PLEKHG2: variants seen among roughly 807,000 people sequenced by gnomAD.
The protein encoded by PLEKHG2 is pleckstrin homology domain-containing family G member 2.
In PLEKHG2, 71 loss-of-function variants were observed where a neutral mutation model predicts 104.4. That is an observed-to-expected ratio of 0.68 (90% CI 0.56 to 0.83). The LOEUF (loss-of-function observed/expected upper bound fraction) is 0.83, where lower values mean the gene tolerates loss of function less well. Among genes scored for constraint, PLEKHG2 ranks in the 40% least tolerant of loss-of-function variants. The pLI, the probability that PLEKHG2 is intolerant of heterozygous loss-of-function variation, is 0.00. For synonymous variants in PLEKHG2, 728 were observed against 737.0 expected (o/e 0.99, Z 0.20); for missense variants, 1,730 against 1,809.4 (o/e 0.96, Z 0.80).
chr19:39,417,586 G>A lies in PLEKHG2; in HGVS notation c.776G>A (p.Gly259Asp). ...ELGKHWAEGP[G>D]TGGREMVEEA... ...GGGAAGCACTGGGCGGAGGGCCCAG[G>A]CACTGGGGGTCGCGAGATGGTGGAG... Residue 259 changes from glycine (G) to aspartate (D), a missense_variant, in exon 8 of 19, where the codon GGC becomes GAC. Transcript: ENST00000425673. 1.2e-6 allele frequency: 2 copies of A among 1,614,102 alleles called. No individual in the cohort carries two copies. The highest frequency in any genetic ancestry group is 8.5e-7 in the Non-Finnish European group (1 of 1,180,018).
rs922013449 is a variant in PLEKHG2 at position 39,415,747 on chromosome 19, G to A, written c.479+308G>A. ...ATGGGAGTCAGAGGACCTGGATGAA[G>A]CCCAAACACTGGGACAGGGTCCCGG... On this transcript the variant is annotated intron_variant, in intron 4 of 18. Coordinates refer to ENST00000425673, the MANE Select transcript of PLEKHG2 (RefSeq NM_022835.3). This position sits in a 1 kb window ranked among gnomAD's most constrained non-coding sequence, Gnocchi z 4.6. Among the ~76,000 whole-genome samples, 4 of 152,142 alleles carry A rather than the reference G, an allele frequency of 2.6e-5. No individual in the cohort carries two copies. Among genetic ancestry groups the A allele is most frequent in the Non-Finnish European group, 4.4e-5 (3 of 68,012 alleles).
chr19:39,425,231 C>G lies in PLEKHG2; in HGVS notation c.4098C>G (p.Ser1366=), dbSNP rs2078767324. 6.2e-7 allele frequency: 1 copy of G among 1,613,392 alleles called. No individual in the cohort carries two copies. Among genetic ancestry groups the G allele is most frequent in the Non-Finnish European group, 8.5e-7 (1 of 1,180,004 alleles). ...VRLNHPALLA[S]TQESMGLHRA... ...TGAACCACCCTGCTCTCTTGGCCTCCACACAGGAATCTATGGGCCTTCACA... is the reference window on the plus strand; with the variant it reads ...TGAACCACCCTGCTCTCTTGGCCTCGACACAGGAATCTATGGGCCTTCACA... Residue 1366 remains serine, a synonymous_variant, in exon 19 of 19, where the codon TCC becomes TCG. Transcript: ENST00000425673.
chr19:39,418,087 C>G lies in PLEKHG2; in HGVS notation c.1065C>G (p.Thr355=). 6.6e-7 allele frequency: 1 copy of G among 1,512,154 alleles called. No individual in the cohort carries two copies. Among genetic ancestry groups the G allele is most frequent in the Non-Finnish European group, 8.8e-7 (1 of 1,132,064 alleles). 93.7% of individuals were successfully genotyped at this position (1,512,154 alleles called of 1,614,324 possible). The part of the protein sequence containing the change: ...LVAKRRGLEY[T]YKGHIFCCNL... ...CCAAGCGCAGGGGGCTGGAGTACAC[C>G]TACAAAGGCCACATCTTCGTGAGTT... Residue 355 remains threonine (T), a synonymous_variant, in exon 9 of 19, where the codon ACC becomes ACG. Coordinates refer to ENST00000425673, the MANE Select transcript of PLEKHG2 (RefSeq NM_022835.3).
At position 39,426,449 on chromosome 19, in the gene PLEKHG2, T is replaced by C. The variant is rs1287682757; in HGVS notation, c.*1155T>C. 2 of 152,260 alleles carry C rather than the reference T, an allele frequency of 1.3e-5. No individual in the cohort carries two copies. The highest frequency in any genetic ancestry group is 2.9e-5 in the Non-Finnish European group (2 of 68,052). 9.4% of individuals were successfully genotyped at this position (152,260 alleles called of 1,614,324 possible). On this transcript the variant is annotated 3_prime_UTR_variant, in exon 19 of 19. Coordinates refer to ENST00000425673, the MANE Select transcript of PLEKHG2 (RefSeq NM_022835.3). ...GTCTGCCCCCTTGTTCCAGCAGTGG[T>C]ATGCCCAGTGAGAGGCACAATTTAA... is the stretch of plus-strand genomic sequence containing the variant.
At chr19:39,418,511 G>A (rs548819534) in intron 9 of PLEKHG2, among the ~76,000 whole-genome samples, 17 of 151,976 alleles carry the variant, frequency 1.1e-4, no homozygotes, top group African/African-American at 2.4e-4. Context: ...CCCAGGAGGC[G>A]GAGGTTGCAA....
rs1363180872 is a variant in PLEKHG2 at position 39,424,801 on chromosome 19, T to G, written c.3668T>G (p.Ile1223Ser). ...CCTGAGAGAGGAGGCTCTCTAGACA[T>G]TCAGGGCCTCTCACCCACCCCAGTT... ...PLPERGGSLD[I>S]QGLSPTPVQT... Residue 1223 changes from isoleucine to serine, a missense_variant, in exon 19 of 19, where the codon ATT (isoleucine) becomes AGT (serine). Transcript: ENST00000425673. 1 of 1,614,152 alleles carries G rather than the reference T, an allele frequency of 6.2e-7. No homozygotes were observed. The highest frequency in any genetic ancestry group is 2.2e-5 in the East Asian group (1 of 44,884).
At position 39,416,466 on chromosome 19, in the gene PLEKHG2, G is replaced by T; in HGVS notation, c.546+52G>T. On this transcript the variant is annotated intron_variant, in intron 5 of 18. Coordinates refer to ENST00000425673, the MANE Select transcript of PLEKHG2 (RefSeq NM_022835.3). The surrounding 1 kb of genome is among the most constrained non-coding windows in gnomAD (Gnocchi z 4.5). Reference sequence around the variant, plus strand: ...GTCCTGGATGGGGCCTTTGTAGAGGGGGGAGAGCAGGCTTGGGCTAGGCTG... The same window carrying T: ...GTCCTGGATGGGGCCTTTGTAGAGGTGGGAGAGCAGGCTTGGGCTAGGCTG... 6.2e-7 allele frequency: 1 copy of T among 1,610,718 alleles called. No homozygotes were observed. The highest frequency in any genetic ancestry group is 1.1e-5 in the South Asian group (1 of 90,966).
At position 39,416,709 on chromosome 19, in the gene PLEKHG2, C is replaced by G; in HGVS notation, c.593+112C>G. 1.3e-6 allele frequency: 2 copies of G among 1,488,778 alleles called. No individual in the cohort carries two copies. The highest frequency in any genetic ancestry group is 1.9e-6 in the Non-Finnish European group (2 of 1,080,178). 92.2% of individuals were successfully genotyped at this position (1,488,778 alleles called of 1,614,324 possible). Reference sequence around the variant, plus strand: ...CCATCCAGCACCGACCCCTGCCAGGCTGTGACAGTAACTGACCTCTCCCTC... The same window carrying G: ...CCATCCAGCACCGACCCCTGCCAGGGTGTGACAGTAACTGACCTCTCCCTC... On this transcript the variant is annotated intron_variant, in intron 6 of 18. Transcript: ENST00000425673. This position sits in a 1 kb window ranked among gnomAD's most constrained non-coding sequence, Gnocchi z 4.5.
Position 39,415,451 on chromosome 19 carries a change from G to T in PLEKHG2, c.479+12G>T, listed in dbSNP as rs201406719. The T allele has an allele frequency of 5.4e-5, 87 of 1,613,720 alleles. 2 individuals carry two copies. The African/African-American group carries it at 7.3e-4, about 14-fold the overall frequency. On this transcript the variant is annotated intron_variant, in intron 4 of 18. Coordinates refer to ENST00000425673, the MANE Select transcript of PLEKHG2 (RefSeq NM_022835.3). The surrounding 1 kb of genome is among the most constrained non-coding windows in gnomAD (Gnocchi z 4.6). ...TACGAGTTCAGCAGGTCAGGGGCAG[G>T]GGGGACAGGCAGGGGGCATTGATTG... is the stretch of plus-strand genomic sequence containing the variant.
In PLEKHG2 at chr19:39,418,692, G is replaced by T. The variant is rs186343481; in HGVS notation, c.1084-42G>T. 7 of 1,532,474 alleles carry T rather than the reference G, an allele frequency of 4.6e-6. No homozygotes were observed. The South Asian group carries it at 6.8e-5, about 15-fold the overall frequency. The allele number at this position is 1,532,474 out of a possible 1,614,324, so 94.9% of individuals were successfully genotyped here. On this transcript the variant is annotated intron_variant, in intron 9 of 18. Coordinates refer to ENST00000425673, the MANE Select transcript of PLEKHG2 (RefSeq NM_022835.3). ...GTCTCCGTACAAGGGGCATCACTGA[G>T]CCCAAGGACTCTGAGCTTGCTACCC...
rs767820562 is a variant in PLEKHG2, at chr19:39,425,227, C to A, written c.4094C>A (p.Ala1365Asp). ...QVRLNHPALLASTQESMGLHR... is the reference protein window; with the variant it reads ...QVRLNHPALLDSTQESMGLHR... ...CGGTTGAACCACCCTGCTCTCTTGG[C>A]CTCCACACAGGAATCTATGGGCCTT... The change falls in exon 19 of 19, where the codon GCC becomes GAC. Residue 1365 changes from alanine (A) to aspartate (D), a missense_variant. Ala to Asp is a moderately radical substitution (Grantham distance 126). Coordinates refer to ENST00000425673, the MANE Select transcript of PLEKHG2 (RefSeq NM_022835.3). 13 of 1,613,338 alleles carry A rather than the reference C, an allele frequency of 8.1e-6. No homozygotes were observed. Among genetic ancestry groups the A allele is most frequent in the African/African-American group, 1.3e-5 (1 of 74,938 alleles).
rs150784328 is a variant in PLEKHG2, at chr19:39,422,733, C to G, written c.1679C>G (p.Pro560Arg). The G allele has an allele frequency of 1.1e-5, 16 of 1,519,450 alleles. No homozygotes were observed. The highest frequency in any genetic ancestry group is 1.3e-5 in the Non-Finnish European group (15 of 1,136,076). 94.1% of individuals were successfully genotyped at this position (1,519,450 alleles called of 1,614,324 possible). A position where few individuals can be genotyped will look rare whatever the true frequency, so the allele number is the denominator to read the frequency against. Residue 560 changes from proline (P) to arginine (R), a missense_variant and splice_region_variant, in exon 18 of 19, where the codon CCG becomes CGG. Transcript: ENST00000425673. ...LNQRGLRDPG[P>R]STHDIPKFPG... The stretch of plus-strand genomic sequence containing the variant: ...CTTGTTCTCCTGTGCCCACTATAGC[C>G]GTCCACCCATGACATTCCCAAGTTC...
chr19:39,421,428 G>A (rs957532642), intron 16 of PLEKHG2, 129 bp downstream of exon 16: 1 of 1,058,734 alleles, frequency 9.4e-7, no homozygotes, highest in African/African-American at 1.6e-5. Flanking sequence ...ACTCATGCCT[G>A]TAATCTCAGT....
At position 39,418,912 on chromosome 19, in the gene PLEKHG2, C is replaced by A. The variant is rs576537609; in HGVS notation, c.1177-5C>A. ...CCCCCTGACTCTACTCCAACCCACT[C>A]CTAGGCCAAGAACCAAGAAGAGAAG... On this transcript the variant is annotated splice_polypyrimidine_tract_variant and splice_region_variant and intron_variant, in intron 10 of 18. Transcript: ENST00000425673. 2.2e-5 allele frequency: 35 copies of A among 1,610,594 alleles called. No individual in the cohort carries two copies. The highest frequency in any genetic ancestry group is 3.3e-4 in the Middle Eastern group (2 of 6,066).
rs984034980 is a variant in PLEKHG2, at chr19:39,422,960, C to T, written c.1906C>T (p.Pro636Ser). ...CAGCATTCCCTGCCTTACCAAAATT[C>T]CTGACGTGCCCAACCTTCCTGAAAT... is the stretch of plus-strand genomic sequence containing the variant. ...MPSIPCLTKI[P>S]DVPNLPEIPS... The change falls in exon 18 of 19, where the codon CCT becomes TCT. Residue 636 changes from proline (P) to serine (S), a missense_variant. Pro to Ser is a moderately conservative substitution (Grantham distance 74). Transcript: ENST00000425673. 3 of 1,614,054 alleles carry T rather than the reference C, an allele frequency of 1.9e-6. No individual in the cohort carries two copies. The highest frequency in any genetic ancestry group is 1.3e-5 in the African/African-American group (1 of 74,938).
rs2078747840 is a variant in PLEKHG2, at chr19:39,424,225, C to G, written c.3092C>G (p.Thr1031Arg). Reference sequence around the variant, plus strand: ...CCCAAGGAGATTTGTTCTGATTTCACAGTTTCAGTCACCACCCCTGTGCCC... The same window carrying G: ...CCCAAGGAGATTTGTTCTGATTTCAGAGTTTCAGTCACCACCCCTGTGCCC... The part of the protein sequence containing the change: ...ALPKEICSDF[T>R]VSVTTPVPKQ... The change falls in exon 19 of 19, where the codon ACA becomes AGA. Residue 1031 changes from threonine (T) to arginine (R), a missense_variant. By Grantham distance (71) the Thr-to-Arg change is moderately conservative. Transcript: ENST00000425673. 6.2e-7 allele frequency: 1 copy of G among 1,613,948 alleles called. No homozygotes were observed.
rs1431623803 is a variant in PLEKHG2, at chr19:39,418,964, C to T, written c.1224C>T (p.Arg408=). ...GGCTGTGGATTCACTGTCTCCAGCGCCTCTTCTTTGAGAACCACCCTGCCT... is the reference window on the plus strand; with the variant it reads ...GGCTGTGGATTCACTGTCTCCAGCGTCTCTTCTTTGAGAACCACCCTGCCT... ...EKRLWIHCLQ[R]LFFENHPASI... The change falls in exon 11 of 19, where the codon CGC becomes CGT. Residue 408 remains arginine (R), a synonymous_variant. Transcript: ENST00000425673. 9.3e-6 allele frequency: 15 copies of T among 1,613,460 alleles called. No homozygotes were observed. The highest frequency in any genetic ancestry group is 1.7e-5 in the Admixed American group (1 of 59,912).
intron 18 of PLEKHG2, 21 bp from the exon 19 acceptor site, chr19:39,423,712 C>A: frequency 1.3e-6 from 2 of 1,596,604 alleles, no homozygotes; most frequent in Non-Finnish European, 8.5e-7. Flanking sequence ...GGTCCTGACT[C>A]GATCCTCTTT....
rs377410857 is a variant in PLEKHG2, at chr19:39,420,841, G to A, written c.1388G>A (p.Arg463Gln). 89 of 1,614,026 alleles carry A rather than the reference G, an allele frequency of 5.5e-5. No individual in the cohort carries two copies. Among genetic ancestry groups the A allele is most frequent in the Middle Eastern group, 1.6e-4 (1 of 6,084 alleles). ...PRDARSFTPG[R>Q]RNTAPSPGPS... ...GATGCTAGAAGTTTTACCCCTGGGC[G>A]AAGGAACACAGGTAAAGGCGGTGGA... The change falls in exon 13 of 19, where the codon CGA (arginine) becomes CAA (glutamine). Residue 463 changes from arginine (R) to glutamine (Q), a missense_variant. Arg to Gln is a conservative substitution (Grantham distance 43). Transcript: ENST00000425673.
Sources: gnomAD v4.1 joint callset for allele counts (sites outside exome capture counted in the v4.1 genomes callset) on GRCh38, gnomAD v4.1.1 for gene constraint, Gnocchi (gnomAD v3.1) non-coding constraint, MANE v1.5 for transcripts, NCBI Gene and HGNC (gene_info 2026-07-23, HGNC 2026-07-21) for gene names.